DNAH5: variants seen among roughly 807,000 people sequenced by gnomAD.
DNAH5 encodes axonemal beta dynein heavy chain 5.
DNAH5 carries 372 observed loss-of-function variants against 518.2 expected under a neutral mutation model. The ratio of observed to expected loss-of-function variants is 0.72; its 90% CI spans 0.66 to 0.78. The LOEUF is 0.78. DNAH5 is among the 30% of genes least tolerant of loss of function. DNAH5 has a pLI of 0.00. For synonymous variants in DNAH5, 2,039 were observed against 2,025.9 expected (o/e 1.01, Z -0.17); for missense variants, 5,523 against 5,687.0 (o/e 0.97, Z 0.93).
chr5:13,744,698 A>G (rs1749094286), intron 65 of DNAH5, among the ~76,000 whole-genome samples: 1 of 152,122 alleles, frequency 6.6e-6, no homozygotes, highest in African/African-American at 2.4e-5. Flanking sequence ...TGTTAATTAA[A>G]TGATTTTTTA....
At chr5:13,952,620 G>A (rs553236977) in intron 1 of DNAH5, among the ~76,000 whole-genome samples, 4 of 152,226 alleles carry the variant, frequency 2.6e-5, no homozygotes, top group African/African-American at 7.2e-5. Context: ...CTCATTAAAC[G>A]AAAACCAGCC....
At chr5:13,905,634 T>C (rs981113584) in intron 12 of DNAH5, among the ~76,000 whole-genome samples, 1 of 152,136 alleles carries the variant, frequency 6.6e-6, no homozygotes, top group African/African-American at 2.4e-5. Flanking sequence ...CTGGTGAGGA[T>C]GTGGAGCAAC....
intron 1 of DNAH5, among the ~76,000 whole-genome samples, chr5:13,994,680 G>A (rs4569870): frequency 6.6e-6 from 1 of 152,270 alleles, no homozygotes; most frequent in African/African-American, 2.4e-5. Flanking sequence ...AGCTTAAACG[G>A]AAGGGGAACC....
At chr5:13,900,530 A>G (rs1774464927) in intron 14 of DNAH5, 118 bp from the exon 15 acceptor site, 10 of 852,596 alleles carry the variant, frequency 1.2e-5, no homozygotes, top group Admixed American at 8.1e-5. Context: ...TGAGCTTCCT[A>G]AATTAAGGGC....
chr5:13,823,230 C>A (rs1177740127), intron 40 of DNAH5, 33 bp downstream of exon 40: 1 of 1,362,730 alleles, frequency 7.3e-7, no homozygotes, highest in Non-Finnish European at 1.1e-6. Flanking sequence ...ATGAAACAGA[C>A]ACCAGCCCTC....
In DNAH5 at chr5:13,912,630, T is replaced by C. The variant is rs1055409133; in HGVS notation, c.1536+1113A>G. Among the ~76,000 whole-genome samples the C allele has an allele frequency of 1.6e-4, 24 of 151,550 alleles. 1 individual carries two copies. ...ACATGTAGCTTTTCCATACTTCTTT[T>C]AGACATTTTATGTAACACTATATAC... is the stretch of plus-strand genomic sequence containing the variant. On this transcript the variant is annotated intron_variant, in intron 11 of 78. Coordinates refer to ENST00000265104, the MANE Select transcript of DNAH5 (RefSeq NM_001369.3).
chr5:13,776,840 A>T, intron 54 of DNAH5, 134 bp from the exon 55 acceptor site: 1 of 969,790 alleles, frequency 1.0e-6, no homozygotes, highest in South Asian at 1.4e-5. Flanking sequence ...AAAGTTTTCA[A>T]GATGAAATAC....
intron 29 of DNAH5, among the ~76,000 whole-genome samples, chr5:13,861,749 G>T (rs540493708): frequency 2.0e-5 from 3 of 152,064 alleles, no homozygotes; most frequent in Non-Finnish European, 4.4e-5. Context: ...CTGAGACCAG[G>T]AGTTTGAGAC....
intron 41 of DNAH5, among the ~76,000 whole-genome samples, chr5:13,819,374 A>G (rs1761931567): frequency 1.3e-5 from 2 of 152,182 alleles, no homozygotes; most frequent in Non-Finnish European, 2.9e-5. Context: ...GACAGAATTC[A>G]CTTCCTCCAA....
chr5:13,809,155 C>T lies in DNAH5; in HGVS notation c.7641G>A (p.Gln2547=). 1.2e-6 allele frequency: 2 copies of T among 1,614,142 alleles called. No individual in the cohort carries two copies. Among genetic ancestry groups the T allele is most frequent in the Non-Finnish European group, 1.7e-6 (2 of 1,180,026 alleles). The change falls in exon 46 of 79, where the codon CAG becomes CAA. Residue 2547 remains glutamine, a synonymous_variant. Coordinates refer to ENST00000265104, the MANE Select transcript of DNAH5 (RefSeq NM_001369.3). ...GTWTHWNTRT[Q]EYLYPSDTTP... ...TGGTATCAGACGGATACAGGTATTCCTGGGTACGCGTGTTCCAGTGCGTCC... is the reference window on the plus strand; with the variant it reads ...TGGTATCAGACGGATACAGGTATTCTTGGGTACGCGTGTTCCAGTGCGTCC...
Position 13,716,730 on chromosome 5 carries a change from C to T in DNAH5, c.12706-40G>A, listed in dbSNP as rs113202699. ...AGAATAATTATGTAGAACTGACTAC[C>T]GTTGCATTATTATTTCCCTGCCAAG... is the stretch of plus-strand genomic sequence containing the variant. On this transcript the variant is annotated intron_variant, in intron 73 of 78. Coordinates refer to ENST00000265104, the MANE Select transcript of DNAH5 (RefSeq NM_001369.3). 101 of 1,393,404 alleles carry T rather than the reference C, an allele frequency of 7.2e-5. No individual in the cohort carries two copies. In the African/African-American group the frequency reaches 7.4e-4, roughly 10 times the overall value. The allele number at this position is 1,393,404 out of a possible 1,614,324, so 86.3% of individuals were successfully genotyped here. A position where few individuals can be genotyped will look rare whatever the true frequency, so the allele number is the denominator to read the frequency against.
At chr5:13,985,430 AATAT>A (rs145568740) in intron 1 of DNAH5, among the ~76,000 whole-genome samples, 2,670 of 127,242 alleles carry the variant, frequency 0.021, 52 homozygotes, top group Middle Eastern at 0.035. Flanking sequence ...AGTATAATAA[AATAT>A]ATATATATAT....
Position 13,786,371 on chromosome 5 carries a change from T to G in DNAH5, c.8648-20A>C. On this transcript the variant is annotated intron_variant, in intron 51 of 78. Coordinates refer to ENST00000265104, the MANE Select transcript of DNAH5 (RefSeq NM_001369.3). ...TTTCACCTTTGGTGGGAAATAAGAA[T>G]CAGTTAAGTTTCTGCAAATACCTGC... 1 of 1,612,946 alleles carries G rather than the reference T, an allele frequency of 6.2e-7. No individual in the cohort carries two copies. The highest frequency in any genetic ancestry group is 8.5e-7 in the Non-Finnish European group (1 of 1,179,450).
chr5:13,713,168 CAT>C (rs70962102), intron 75 of DNAH5, among the ~76,000 whole-genome samples: 51,880 of 136,064 alleles, frequency 0.38, 10,264 homozygotes, highest in Middle Eastern at 0.43. Context: ...TATATACCGA[CAT>C]ATATATATAT....
At chr5:13,970,598 G>A (rs1346080104) in intron 1 of DNAH5, among the ~76,000 whole-genome samples, 2 of 152,142 alleles carry the variant, frequency 1.3e-5, no homozygotes, top group Non-Finnish European at 2.9e-5. Flanking sequence ...TTTGTTTAAG[G>A]AGGCTAACAA....
intron 1 of DNAH5, among the ~76,000 whole-genome samples, chr5:13,980,504 A>G (rs1377593724): frequency 6.6e-6 from 1 of 151,910 alleles, no homozygotes; most frequent in Non-Finnish European, 1.5e-5. Flanking sequence ...TTGCTAAGGC[A>G]ACCAGCCTTG....
At chr5:13,890,406 C>CA (rs35655538) in intron 17 of DNAH5, among the ~76,000 whole-genome samples, 51,980 of 136,644 alleles carry the variant, frequency 0.38, 10,131 homozygotes, top group East Asian at 0.68. Context: ...GACTCCATCT[C>CA]AAAAAAAAAA....
At chr5:13,722,545 C>T (rs1745193713) in intron 70 of DNAH5, among the ~76,000 whole-genome samples, 2 of 152,126 alleles carry the variant, frequency 1.3e-5, no homozygotes, top group Non-Finnish European at 2.9e-5. Context: ...GACTGTTGAA[C>T]GACTGGCTTG....
intron 11 of DNAH5, 38 bp downstream of exon 11, chr5:13,913,705 T>G: frequency 6.2e-7 from 1 of 1,609,798 alleles, no homozygotes. Flanking sequence ...AGTTTAGTTG[T>G]GGATTATGTT....
Sources: allele counts gnomAD v4.1 joint callset (sites outside exome capture counted in the v4.1 genomes callset), GRCh38; gene constraint gnomAD v4.1.1; transcripts MANE v1.5; gene names NCBI Gene and HGNC (gene_info 2026-07-23, HGNC 2026-07-21).